SON: variants seen among roughly 807,000 people sequenced by gnomAD.
The protein encoded by SON is protein SON.
Under a neutral mutation model 173.3 loss-of-function variants are expected in SON, and 4 were observed. The ratio of observed to expected loss-of-function variants is 0.02; its 90% confidence interval spans 0.01 to 0.05. SON has a LOEUF of 0.05. Among genes scored for constraint, SON ranks in the 10% least tolerant of loss-of-function variants. The probability of loss-of-function intolerance (pLI) is 1.00; values close to 1 mark genes in which losing one functional copy is unlikely to be tolerated. For missense variants in SON, 2,626 were observed against 3,055.3 expected, an observed-to-expected ratio of 0.86 and a Z score of 3.31; for synonymous variants, 1,190 against 1,105.9, an observed-to-expected ratio of 1.08 and a Z score of -1.51.
chr21:33,545,172 T>G (rs1409612746), intron 1 of SON, among the ~76,000 whole-genome samples: 1 of 152,216 alleles, frequency 6.6e-6, no homozygotes, highest in Non-Finnish European at 1.5e-5. Flanking sequence ...TCAGCTAAGT[T>G]TCTTCATTTA....
At position 33,559,792 on chromosome 21, in the gene SON, T is replaced by C. The variant is rs1389232780; in HGVS notation, c.6657+17T>C. 6.2e-7 allele frequency: 1 copy of C among 1,609,484 alleles called. No individual in the cohort carries two copies. Among genetic ancestry groups the C allele is most frequent in the Non-Finnish European group, 8.5e-7 (1 of 1,177,238 alleles). On this transcript the variant is annotated intron_variant, in intron 6 of 11. Coordinates refer to ENST00000356577, the MANE Select transcript of SON (RefSeq NM_138927.4). This position sits in a 1 kb window ranked among gnomAD's most constrained non-coding sequence, Gnocchi z 4.1. Reference sequence around the variant, plus strand: ...CCCTCAGAGGTAAGTAGGAGGAATATTATGTATTTTTCCTTTTTTATACCT... The same window carrying C: ...CCCTCAGAGGTAAGTAGGAGGAATACTATGTATTTTTCCTTTTTTATACCT...
At chr21:33,573,626 T>A (rs2086335724) in intron 9 of SON, among the ~76,000 whole-genome samples, 171 bp downstream of exon 9, 1 of 152,230 alleles carries the variant, frequency 6.6e-6, no homozygotes, top group African/African-American at 2.4e-5. Flanking sequence ...TATTTTTATA[T>A]AACTATGGAT....
rs1601292670 is a variant in SON at position 33,568,860 on chromosome 21, TA to T, written c.6769-107del. On this transcript the variant is annotated intron_variant, in intron 7 of 11. Transcript: ENST00000356577. ...CAAACATTTAATGTTAAATATGTTTTAAAAGTTAAATATTTAAGTCTGCTTT... is the reference window on the plus strand; with the variant it reads ...CAAACATTTAATGTTAAATATGTTTTAAAGTTAAATATTTAAGTCTGCTTT... The T allele has an allele frequency of 3.7e-5, 24 of 640,644 alleles. No individual in the cohort carries two copies. In the East Asian group the frequency reaches 6.6e-4, roughly 18 times the overall value. The allele number at this position is 640,644 out of a possible 1,614,324, so 39.7% of individuals were successfully genotyped here.
rs1045962449 is a variant in SON at position 33,549,247 on chromosome 21, G to A, written c.245-229G>A. On this transcript the variant is annotated intron_variant, in intron 2 of 11. Transcript: ENST00000356577. The stretch of plus-strand genomic sequence containing the variant: ...GCGTCACCATGCCTGGCTAATTTTT[G>A]TATTTTTAGTAGAGATGGGGTTTCA... Among the ~76,000 whole-genome samples, 22 of 151,984 alleles carry A rather than the reference G, an allele frequency of 1.4e-4. 1 individual carries two copies. The highest frequency in any genetic ancestry group is 1.4e-3 in the Admixed American group (22 of 15,254).
chr21:33,575,904 A>G lies in SON; in HGVS notation c.7221+11A>G. On this transcript the variant is annotated intron_variant, in intron 11 of 11. Coordinates refer to ENST00000356577, the MANE Select transcript of SON (RefSeq NM_138927.4). ...CATTTTCTCTTTAGGGTAAATATGA[A>G]TTTCTGCATTAATTATATATATTTA... 1 of 1,257,466 alleles carries G rather than the reference A, an allele frequency of 8.0e-7. No individual in the cohort carries two copies. Among genetic ancestry groups the G allele is most frequent in the Non-Finnish European group, 1.2e-6 (1 of 868,682 alleles). The allele number at this position is 1,257,466 out of a possible 1,614,324, so 77.9% of individuals were successfully genotyped here.
Position 33,551,292 on chromosome 21 carries a change from A to T in SON, c.2061A>T (p.Val687=). ...STTALESYNT[V]AQELPTTLVG... ...CAGCGCTGGAATCCTATAATACGGTAGCACAGGAGCTGCCTACTACATTAG... is the reference window on the plus strand; with the variant it reads ...CAGCGCTGGAATCCTATAATACGGTTGCACAGGAGCTGCCTACTACATTAG... The change falls in exon 3 of 12, where the codon GTA becomes GTT. Residue 687 remains valine (V), a synonymous_variant. Transcript: ENST00000356577. 6.2e-7 allele frequency: 1 copy of T among 1,614,134 alleles called. No individual in the cohort carries two copies. Among genetic ancestry groups the T allele is most frequent in the Non-Finnish European group, 8.5e-7 (1 of 1,179,984 alleles).
At chr21:33,560,527 A>C in intron 6 of SON, 1 of 996,604 alleles carries the variant, frequency 1.0e-6, no homozygotes. Context: ...CTGATTAAAT[A>C]ATGTGCTGCT....
rs756602659 is a variant in SON at position 33,553,037 on chromosome 21, TAGC to T, written c.3809_3811del (p.Ala1270del). 1.1e-4 allele frequency: 185 copies of T among 1,612,558 alleles called. No individual in the cohort carries two copies. Among genetic ancestry groups the T allele is most frequent in the South Asian group, 2.1e-4 (19 of 91,086 alleles). The stretch of plus-strand genomic sequence containing the variant: ...TTAACACCTGTAGAGTCTGCAGTAG[TAGC>T]AGAAGAACATGAAGTTGTTCCAGAG... On this transcript the variant is annotated inframe_deletion, in exon 3 of 12. Transcript: ENST00000356577.
At chr21:33,572,950 ATTGTT>A (rs2086319286) in intron 8 of SON, 1 of 216,422 alleles carries the variant, frequency 4.6e-6, no homozygotes, top group Non-Finnish European at 9.4e-6. Flanking sequence ...AATATCATTG[ATTGTT>A]TTAACATTGC....
chr21:33,543,735 A>G (rs1344437002), intron 1 of SON, among the ~76,000 whole-genome samples: 3 of 152,244 alleles, frequency 2.0e-5, no homozygotes, highest in Non-Finnish European at 2.9e-5. Flanking sequence ...AAATGTTTCA[A>G]TTAAAACGAA....
Position 33,575,630 on chromosome 21 carries a change from G to T in SON, c.7068G>T (p.Arg2356Ser). 1 of 1,613,064 alleles carries T rather than the reference G, an allele frequency of 6.2e-7. No homozygotes were observed. Among genetic ancestry groups the T allele is most frequent in the Non-Finnish European group, 8.5e-7 (1 of 1,179,620 alleles). The change falls in exon 10 of 12, where the codon AGG becomes AGT. Residue 2356 changes from arginine to serine, a missense_variant. Coordinates refer to ENST00000356577, the MANE Select transcript of SON (RefSeq NM_138927.4). ...CAGTAGGAGAAAGAGCACAAAAGAG[G>T]TCTGGGAACTTCTCTGCTGCAATGA... is the stretch of plus-strand genomic sequence containing the variant. Reference protein sequence around the residue: ...LVAVGERAQKRSGNFSAAMKD... With the variant: ...LVAVGERAQKSSGNFSAAMKD...
intron 7 of SON, among the ~76,000 whole-genome samples, chr21:33,568,461 A>G (rs1214743708): frequency 1.3e-5 from 2 of 152,242 alleles, no homozygotes; most frequent in African/African-American, 4.8e-5. Context: ...GCACCATTGC[A>G]CTCCAGCCTG....
At position 33,551,467 on chromosome 21, in the gene SON, C is replaced by A. The variant is rs745315022; in HGVS notation, c.2236C>A (p.Leu746Ile). 1 of 1,613,422 alleles carries A rather than the reference C, an allele frequency of 6.2e-7. No homozygotes were observed. The highest frequency in any genetic ancestry group is 1.1e-5 in the South Asian group (1 of 91,058). The change falls in exon 3 of 12, where the codon CTA becomes ATA. Residue 746 changes from leucine to isoleucine, a missense_variant. By Grantham distance (5) the Leu-to-Ile change is conservative. Around this residue, in one of 13 missense-constraint regions of SON, gnomAD observed 182 missense variants for 193.6 expected, o/e 0.94. Coordinates refer to ENST00000356577, the MANE Select transcript of SON (RefSeq NM_138927.4). ...LASNTMDSQM[L>I]ASNTMDSQML... ...GTCCAACACCATGGACTCCCAGATG[C>A]TAGCATCCAACACCATGGACTCCCA...
At chr21:33,564,392 T>A (rs2086124785) in intron 6 of SON, among the ~76,000 whole-genome samples, 1 of 152,106 alleles carries the variant, frequency 6.6e-6, no homozygotes, top group African/African-American at 2.4e-5. Flanking sequence ...TAACATCGGG[T>A]TTGACCCTTA....
Position 33,546,308 on chromosome 21 carries a change from A to G in SON, c.173A>G (p.Asn58Ser). Residue 58 changes from asparagine to serine, a missense_variant, in exon 2 of 12, where the codon AAT becomes AGT. Physicochemically the swap from Asn to Ser is conservative, Grantham distance 46. Transcript: ENST00000356577. ...DAAASARSLP[N>S]EEIVQKIEEV... is the part of the protein sequence containing the mutation. ...GCTGCCTCTGCCAGGAGTCTACCAAATGAAGAAATAGTGCAGAAGATAGAG... is the reference window on the plus strand; with the variant it reads ...GCTGCCTCTGCCAGGAGTCTACCAAGTGAAGAAATAGTGCAGAAGATAGAG... The G allele has an allele frequency of 6.2e-7, 1 of 1,613,856 alleles. No individual in the cohort carries two copies. The highest frequency in any genetic ancestry group is 1.1e-5 in the South Asian group (1 of 91,044).
chr21:33,552,682 C>A lies in SON; in HGVS notation c.3451C>A (p.Pro1151Thr), dbSNP rs1251706424. 8 of 1,614,116 alleles carry A rather than the reference C, an allele frequency of 5.0e-6. No homozygotes were observed. In the South Asian group the frequency reaches 8.8e-5, roughly 18 times the overall value. ...TEAYMVPPLPPEEPPTMPPLP... is the reference protein window; with the variant it reads ...TEAYMVPPLPTEEPPTMPPLP... ...GGCATATATGGTGCCACCTTTGCCT[C>A]CTGAAGAGCCCCCAACAATGCCACC... The change falls in exon 3 of 12, where the codon CCT (proline) becomes ACT (threonine). Residue 1151 changes from proline (P) to threonine (T), a missense_variant. Coordinates refer to ENST00000356577, the MANE Select transcript of SON (RefSeq NM_138927.4). This position sits in a 1 kb window ranked among gnomAD's most constrained non-coding sequence, Gnocchi z 5.6.
At position 33,553,166 on chromosome 21, in the gene SON, T is replaced by C. The variant is rs199937131; in HGVS notation, c.3935T>C (p.Phe1312Ser). Residue 1312 changes from phenylalanine (F) to serine (S), a missense_variant, in exon 3 of 12, where the codon TTT (phenylalanine) becomes TCT (serine). Physicochemically the swap from Phe to Ser is radical, Grantham distance 155. This residue lies in a region of SON where 1,006 missense variants were observed against 895.6 expected (regional missense o/e 1.12). Coordinates refer to ENST00000356577, the MANE Select transcript of SON (RefSeq NM_138927.4). ...PPVMSETAET[F>S]DSMRASGHVA... ...GTTATGTCAGAGACAGCAGAAACAT[T>C]TGATTCCATGAGAGCCTCAGGACAT... 120 of 1,614,132 alleles carry C rather than the reference T, an allele frequency of 7.4e-5. 1 individual carries two copies. The South Asian group carries it at 1.3e-3, about 17-fold the overall frequency.
rs765505630 is a variant in SON at position 33,559,543 on chromosome 21, A to G, written c.6469-44A>G. The G allele has an allele frequency of 1.8e-5, 27 of 1,534,680 alleles. No homozygotes were observed. Among genetic ancestry groups the G allele is most frequent in the South Asian group, 6.0e-5 (5 of 83,690 alleles). On this transcript the variant is annotated intron_variant, in intron 5 of 11. Coordinates refer to ENST00000356577, the MANE Select transcript of SON (RefSeq NM_138927.4). The surrounding 1 kb of genome is among the most constrained non-coding windows in gnomAD (Gnocchi z 4.1). ...TAGAAAATCTCAAACCATTTAATGT[A>G]GATATCATATTGAGCTTTAATTAAG... is the stretch of plus-strand genomic sequence containing the variant.
chr21:33,546,234 G>A lies in SON; in HGVS notation c.99G>A (p.Leu33=), dbSNP rs770233859. Residue 33 remains leucine (L), a synonymous_variant, in exon 2 of 12, where the codon CTG becomes CTA. Coordinates refer to ENST00000356577, the MANE Select transcript of SON (RefSeq NM_138927.4). The stretch of plus-strand genomic sequence containing the variant: ...CAAGTGGAAGGAATGAAGGCCAGCT[G>A]AATGGTGAAACAAATACACCCATTG... ...ELSSGRNEGQ[L]NGETNTPIEG... is the part of the protein sequence containing the mutation. 1.9e-5 allele frequency: 30 copies of A among 1,611,570 alleles called. No individual in the cohort carries two copies. Among genetic ancestry groups the A allele is most frequent in the Non-Finnish European group, 2.3e-5 (27 of 1,179,300 alleles).
Sources: allele counts gnomAD v4.1 joint callset (sites outside exome capture counted in the v4.1 genomes callset), GRCh38; gene constraint gnomAD v4.1.1; regional missense constraint gnomAD v4.1.1; non-coding constraint Gnocchi (gnomAD v3.1); transcripts MANE v1.5; gene names NCBI Gene and HGNC (gene_info 2026-07-23, HGNC 2026-07-21).